The following PRKCE variants were observed in gnomAD, a reference collection of about 807,000 sequenced individuals.
The protein encoded by PRKCE is protein kinase C epsilon.
A neutral mutation model predicts 85.4 loss-of-function variants in PRKCE; 16 were observed. That is an observed-to-expected ratio of 0.19 (90% CI 0.13 to 0.28). PRKCE has a LOEUF of 0.28. Among genes scored for constraint, PRKCE ranks in the 10% least tolerant of loss-of-function variants. The probability of loss-of-function intolerance (pLI) is 1.00; values close to 1 mark genes in which losing one functional copy is unlikely to be tolerated. For synonymous variants in PRKCE, 388 were observed against 371.5 expected (o/e 1.04, Z -0.51); for missense variants, 573 against 975.2 (o/e 0.59, Z 5.49).
At chr2:45,793,171 A>G (rs866928413) in intron 1 of PRKCE, among the ~76,000 whole-genome samples, 64 of 152,334 alleles carry the variant, frequency 4.2e-4, no homozygotes, top group Middle Eastern at 3.4e-3. Flanking sequence ...TGAGTAAACA[A>G]AATGTCCTGG....
rs149920103 is a variant in PRKCE at position 45,784,695 on chromosome 2, T to A, written c.349-58305T>A. 6.7e-4 allele frequency among the ~76,000 whole-genome samples: 102 copies of A among 152,188 alleles called. 2 individuals are homozygous for A. Among genetic ancestry groups the A allele is most frequent in the African/African-American group, 2.4e-3 (99 of 41,534 alleles). Reference sequence around the variant, plus strand: ...TTCAAACACTTACAAAAGTATAACATGAGCAGAACTTTGATTTAACAGTGA... The same window carrying A: ...TTCAAACACTTACAAAAGTATAACAAGAGCAGAACTTTGATTTAACAGTGA... On this transcript the variant is annotated intron_variant, in intron 1 of 14. Coordinates refer to ENST00000306156, the MANE Select transcript of PRKCE (RefSeq NM_005400.3).
intron 1 of PRKCE, among the ~76,000 whole-genome samples, chr2:45,666,164 T>C (rs1675901191): frequency 6.6e-6 from 1 of 152,194 alleles, no homozygotes. Context: ...TAAAAAATAT[T>C]TCCTTCGTTT....
At chr2:45,856,018 C>G (rs561268009) in intron 2 of PRKCE, among the ~76,000 whole-genome samples, 23 of 152,130 alleles carry the variant, frequency 1.5e-4, no homozygotes, top group Middle Eastern at 3.4e-3. Context: ...CAAACAAAAA[C>G]AAAACCCTTA....
intron 1 of PRKCE, among the ~76,000 whole-genome samples, chr2:45,842,726 T>G (rs550507133): frequency 6.6e-6 from 1 of 152,252 alleles, no homozygotes; most frequent in African/African-American, 2.4e-5. Flanking sequence ...TCTCTCTCTC[T>G]CCAATCATGG....
At chr2:45,720,112 A>C (rs1321594953) in intron 1 of PRKCE, among the ~76,000 whole-genome samples, 1 of 152,132 alleles carries the variant, frequency 6.6e-6, no homozygotes, top group Non-Finnish European at 1.5e-5. Flanking sequence ...TGATGGAGCT[A>C]TGGGCTGCTT....
chr2:45,922,587 C>T (rs960417189), intron 2 of PRKCE, among the ~76,000 whole-genome samples: 1 of 152,220 alleles, frequency 6.6e-6, no homozygotes, highest in African/African-American at 2.4e-5. Context: ...ACCCTTCCCC[C>T]CAGGCTGTCT....
chr2:45,871,400 C>T (rs571335284), intron 2 of PRKCE, among the ~76,000 whole-genome samples: 1 of 152,344 alleles, frequency 6.6e-6, no homozygotes, highest in East Asian at 1.9e-4. Flanking sequence ...TTATGTGCTC[C>T]AGGGAACCTG....
At chr2:45,868,747 G>T (rs1010207801) in intron 2 of PRKCE, among the ~76,000 whole-genome samples, 1 of 146,570 alleles carries the variant, frequency 6.8e-6, no homozygotes, top group Non-Finnish European at 1.5e-5. Flanking sequence ...GACCAGCCTG[G>T]CCAACATGGG....
intron 1 of PRKCE, among the ~76,000 whole-genome samples, chr2:45,723,504 T>A (rs542879463): frequency 4.1e-4 from 63 of 152,336 alleles, no homozygotes; most frequent in African/African-American, 1.5e-3. Flanking sequence ...TCTAACCTGT[T>A]TGCCCTGCTA....
intron 2 of PRKCE, among the ~76,000 whole-genome samples, chr2:45,871,965 T>G (rs1694125410): frequency 6.6e-6 from 1 of 151,874 alleles, no homozygotes; most frequent in Non-Finnish European, 1.5e-5. Flanking sequence ...GAGGACGGAG[T>G]TAGTGTGACA....
chr2:45,680,815 A>G (rs180880080), intron 1 of PRKCE, among the ~76,000 whole-genome samples: 53 of 152,348 alleles, frequency 3.5e-4, no homozygotes, highest in African/African-American at 1.2e-3. Context: ...CCAGATGAAC[A>G]CATGTAAAAC....
intron 1 of PRKCE, among the ~76,000 whole-genome samples, chr2:45,762,240 G>C (rs1027872202): frequency 6.6e-6 from 1 of 152,200 alleles, no homozygotes; most frequent in Non-Finnish European, 1.5e-5. Flanking sequence ...TTGGCCACCA[G>C]GATCAGTAAG....
At chr2:45,684,611 C>T (rs1156474719) in intron 1 of PRKCE, among the ~76,000 whole-genome samples, 1 of 152,202 alleles carries the variant, frequency 6.6e-6, no homozygotes, top group Non-Finnish European at 1.5e-5. Flanking sequence ...CCCCTAGTGG[C>T]ATGTGACCTA....
At chr2:45,920,747 G>C (rs1265830425) in intron 2 of PRKCE, among the ~76,000 whole-genome samples, 1 of 152,172 alleles carries the variant, frequency 6.6e-6, no homozygotes. Context: ...TGGAGAACAG[G>C]GGGTGGTCGC....
At chr2:45,932,731 C>T (rs1033878319) in intron 2 of PRKCE, among the ~76,000 whole-genome samples, 7 of 152,206 alleles carry the variant, frequency 4.6e-5, no homozygotes, top group Non-Finnish European at 7.3e-5. Context: ...CTATCCATCT[C>T]CAAAACCTTT....
intron 1 of PRKCE, among the ~76,000 whole-genome samples, chr2:45,760,137 A>G (rs1396777710): frequency 2.0e-5 from 3 of 152,202 alleles, no homozygotes; most frequent in Non-Finnish European, 4.4e-5. Context: ...GCAGGCTGTG[A>G]AAAGGAGAAG....
rs533333521 is a variant in PRKCE, at chr2:46,033,092, T to C, written c.1437+22575T>C. ...GCATGAGTTGGATGGCCTCCACTTA[T>C]GACGCAATGACAAGAAGTCAACATG... On this transcript the variant is annotated intron_variant, in intron 10 of 14. Transcript: ENST00000306156. 2.6e-5 allele frequency among the ~76,000 whole-genome samples: 4 copies of C among 152,372 alleles called. No individual in the cohort carries two copies. In the East Asian group the frequency reaches 5.8e-4, roughly 22 times the overall value.
chr2:46,011,090 C>A, intron 10 of PRKCE: 3 of 409,770 alleles, frequency 7.3e-6, no homozygotes, highest in Non-Finnish European at 1.1e-5. Flanking sequence ...GAGTCTGACT[C>A]GAGTATTATT....
intron 1 of PRKCE, among the ~76,000 whole-genome samples, chr2:45,841,502 C>T (rs975504263): frequency 1.3e-5 from 2 of 152,218 alleles, no homozygotes; most frequent in African/African-American, 4.8e-5. Context: ...GTCTTTCAAA[C>T]TTCTTCTGCC....
Sources: allele counts gnomAD v4.1 joint callset (sites outside exome capture counted in the v4.1 genomes callset), GRCh38; gene constraint gnomAD v4.1.1; transcripts MANE v1.5; gene names NCBI Gene and HGNC (gene_info 2026-07-23, HGNC 2026-07-21).